SASH1: variants seen among roughly 807,000 people sequenced by gnomAD.
SASH1 encodes SAM and SH3 domain-containing protein 1.
A neutral mutation model predicts 125.2 loss-of-function variants in SASH1; 44 were observed. The observed-to-expected ratio is 0.35, with a 90% CI of 0.28 to 0.45. SASH1 has a LOEUF of 0.45. Ranked by LOEUF, SASH1 falls within the 20% of genes least tolerant of loss-of-function variation. The pLI, the probability that SASH1 is intolerant of heterozygous loss-of-function variation, is 1.00. For missense variants in SASH1, 1,426 were observed against 1,614.5 expected, an observed-to-expected ratio of 0.88 and a Z score of 2.00; for synonymous variants, 639 against 649.1, an observed-to-expected ratio of 0.98 and a Z score of 0.24.
chr6:148,449,883 C>T (rs1164656573), intron 4 of SASH1, among the ~76,000 whole-genome samples: 1 of 152,092 alleles, frequency 6.6e-6, no homozygotes, highest in East Asian at 1.9e-4. Flanking sequence ...TATAACAGCC[C>T]ACTCTCTCAG....
intron 2 of SASH1, among the ~76,000 whole-genome samples, chr6:148,405,473 G>A (rs745635141): frequency 2.6e-5 from 4 of 152,126 alleles, no homozygotes; most frequent in African/African-American, 4.8e-5. Context: ...TAGCAGGGCT[G>A]AGAATGAAGA....
chr6:148,203,444 A>G, the SASH1 span, among the ~76,000 whole-genome samples: 3 of 152,200 alleles, frequency 2.0e-5, no homozygotes, highest in African/African-American at 7.2e-5. Flanking sequence ...CAAATAAGGA[A>G]AGGAAAACTT....
In SASH1 at chr6:148,294,231, G is replaced by A. The variant is rs547986488; in HGVS notation, n.74+21854G>A. On this transcript the variant is annotated intron_variant and non_coding_transcript_variant, in intron 1 of 3. Coordinates refer to the SASH1 transcript ENST00000367469. ...TGCAGATGTGTTACTGGCCACAAGA[G>A]AAGGCAGACAAGAATTCAAATGAGG... Among the ~76,000 whole-genome samples the A allele has an allele frequency of 3.9e-5, 6 of 152,356 alleles. No individual in the cohort carries two copies. The East Asian group carries it at 1.2e-3, about 29-fold the overall frequency.
chr6:148,387,596 CTTTCTTTCT>C (rs1783463822), intron 1 of SASH1, among the ~76,000 whole-genome samples: 1 of 10,316 alleles, frequency 9.7e-5, no homozygotes, highest in African/African-American at 5.4e-4. Flanking sequence ...TTCTTTCTTT[CTTTCTTTCT>C]TTCTTTCTTT....
the SASH1 span, among the ~76,000 whole-genome samples, chr6:148,206,680 C>T: frequency 3.3e-5 from 5 of 151,758 alleles, no homozygotes; most frequent in African/African-American, 1.2e-4. Flanking sequence ...ATACCAGCTA[C>T]TCAGGAGGCT....
intron 1 of SASH1, among the ~76,000 whole-genome samples, chr6:148,376,945 C>T (rs1173624197): frequency 6.6e-5 from 10 of 151,034 alleles, no homozygotes; most frequent in East Asian, 3.9e-4. Context: ...CCGAGGCGGG[C>T]GGATCACGAG....
intron 1 of SASH1, among the ~76,000 whole-genome samples, chr6:148,301,726 A>G (rs62433969): frequency 0.28 from 41,002 of 145,572 alleles, 6,052 homozygotes; most frequent in South Asian, 0.37. Context: ...CTACAGAAAC[A>G]CACCACCCCA....
At chr6:148,258,574 ACC>A in the SASH1 span, among the ~76,000 whole-genome samples, 1 of 152,306 alleles carries the variant, frequency 6.6e-6, no homozygotes, top group African/African-American at 2.4e-5. Flanking sequence ...TTCTGAGATT[ACC>A]TTACTCCACA....
At chr6:148,359,242 T>C (rs988264684) in intron 1 of SASH1, among the ~76,000 whole-genome samples, 30 of 151,690 alleles carry the variant, frequency 2.0e-4, no homozygotes, top group African/African-American at 7.3e-4. Context: ...CACTGTAACC[T>C]CCGCCTCCTG....
intron 1 of SASH1, among the ~76,000 whole-genome samples, chr6:148,317,920 G>T (rs35192726): frequency 0.17 from 25,856 of 152,154 alleles, 2,477 homozygotes; most frequent in East Asian, 0.28. Flanking sequence ...TATGTGAAAG[G>T]TTGTGTTTTC....
chr6:148,378,527 A>G (rs756749778), intron 1 of SASH1, among the ~76,000 whole-genome samples: 1 of 151,882 alleles, frequency 6.6e-6, no homozygotes, highest in Non-Finnish European at 1.5e-5. Context: ...GCTAATTTTT[A>G]TATATTTTTC....
chr6:148,481,820 G>A (rs1012896428), intron 7 of SASH1, among the ~76,000 whole-genome samples: 3 of 152,128 alleles, frequency 2.0e-5, no homozygotes, highest in South Asian at 2.1e-4. Context: ...AATACTGTAG[G>A]AATTGCCAAA....
chr6:148,365,686 C>G (rs545599410), intron 1 of SASH1, among the ~76,000 whole-genome samples: 22 of 152,010 alleles, frequency 1.4e-4, no homozygotes, highest in Non-Finnish European at 1.6e-4. Flanking sequence ...ATATAAAGAT[C>G]ATTTTTGCCT....
intron 7 of SASH1, among the ~76,000 whole-genome samples, chr6:148,481,527 A>G (rs1280212147): frequency 2.0e-5 from 3 of 152,180 alleles, no homozygotes; most frequent in Non-Finnish European, 4.4e-5. Flanking sequence ...AGTGAGAAGC[A>G]TGCTACTCTT....
intron 1 of SASH1, chr6:148,379,935 C>G (rs1284832034): frequency 2.2e-6 from 1 of 456,432 alleles, no homozygotes; most frequent in Non-Finnish European, 4.4e-6. Context: ...GATTTTAAAG[C>G]AAGTCCTGGA....
At chr6:148,527,195 A>G in intron 11 of SASH1, 1 of 344,206 alleles carries the variant, frequency 2.9e-6, no homozygotes, top group Non-Finnish European at 5.2e-6. Flanking sequence ...AGTGGAAAAA[A>G]TGTAACCTGA....
rs1339193532 is a variant in SASH1 at position 148,519,289 on chromosome 6, C to T, written c.863-258C>T. On this transcript the variant is annotated intron_variant, in intron 9 of 19. Transcript: ENST00000367467. This position sits in a 1 kb window ranked among gnomAD's most constrained non-coding sequence, Gnocchi z 4.8. ...TGGCTAGCTTAGATTTTGCAAACGG[C>T]ATTTTAAATACGCCTGTGAAGGTGT... Among the ~76,000 whole-genome samples the T allele has an allele frequency of 6.6e-6, 1 of 152,142 alleles. No individual in the cohort carries two copies. Among genetic ancestry groups the T allele is most frequent in the East Asian group, 1.9e-4 (1 of 5,182 alleles).
At chr6:148,520,881 A>G (rs1281928518) in intron 10 of SASH1, among the ~76,000 whole-genome samples, 1 of 152,198 alleles carries the variant, frequency 6.6e-6, no homozygotes, top group East Asian at 1.9e-4. Context: ...CATTTATTTT[A>G]TTAGTAGAGG....
the SASH1 span, among the ~76,000 whole-genome samples, chr6:148,221,800 C>A: frequency 1.3e-5 from 2 of 152,204 alleles, no homozygotes; most frequent in African/African-American, 4.8e-5. Context: ...AAGGAAGTGA[C>A]AGGAGAAGTT....
Sources: allele counts gnomAD v4.1 joint callset (sites outside exome capture counted in the v4.1 genomes callset), GRCh38; gene constraint gnomAD v4.1.1; non-coding constraint Gnocchi (gnomAD v3.1); transcripts MANE v1.5; gene names NCBI Gene and HGNC (gene_info 2026-07-23, HGNC 2026-07-21).